The following PKNOX2 variants were observed in gnomAD, a reference collection of about 807,000 sequenced individuals.
The protein encoded by PKNOX2 is PBX/knotted 1 homeobox 2.
A neutral mutation model predicts 53.1 loss-of-function variants in PKNOX2; 14 were observed. That is an observed-to-expected ratio of 0.26 (90% confidence interval 0.17 to 0.41). The LOEUF (loss-of-function observed/expected upper bound fraction) is 0.41. PKNOX2 is among the 10% of genes least tolerant of loss of function. The pLI, the probability that PKNOX2 is intolerant of heterozygous loss-of-function variation, is 1.00. For synonymous variants in PKNOX2, 257 were observed against 242.8 expected (o/e 1.06, Z -0.54); for missense variants, 496 against 602.8 (o/e 0.82, Z 1.85).
intron 7 of PKNOX2, among the ~76,000 whole-genome samples, chr11:125,406,999 G>A (rs1421712491): frequency 6.9e-6 from 1 of 145,158 alleles, no homozygotes; most frequent in Non-Finnish European, 1.5e-5. Flanking sequence ...TGTAAGGGAT[G>A]AATATCATTT....
Position 125,370,830 on chromosome 11 carries a change from G to A in PKNOX2, c.227+2845G>A, listed in dbSNP as rs537687302. Among the ~76,000 whole-genome samples the A allele has an allele frequency of 6.6e-6, 1 of 152,344 alleles. No homozygotes were observed. Among genetic ancestry groups the A allele is most frequent in the African/African-American group, 2.4e-5 (1 of 41,586 alleles). On this transcript the variant is annotated intron_variant, in intron 5 of 12. Transcript: ENST00000298282. The surrounding 1 kb of genome is among the most constrained non-coding windows in gnomAD (Gnocchi z 4.1). ...CCTGGCTGCTCCAAAGCACATCAGG[G>A]AGTCGGCATTTTATGTCAATAAGTG...
chr11:125,392,165 T>G (rs7928707), intron 6 of PKNOX2, among the ~76,000 whole-genome samples: 4,644 of 152,364 alleles, frequency 0.03, 180 homozygotes, highest in African/African-American at 0.085. Context: ...TTTGGTTTAC[T>G]GTGGTTTATA....
intron 2 of PKNOX2, among the ~76,000 whole-genome samples, chr11:125,281,360 T>C (rs572519202): frequency 5.3e-5 from 8 of 152,342 alleles, no homozygotes; most frequent in Admixed American, 2.0e-4. Context: ...TTTCCCTTTC[T>C]GTCCTCAGAT....
At chr11:125,215,410 G>A (rs1244428715) in intron 1 of PKNOX2, among the ~76,000 whole-genome samples, 1 of 151,962 alleles carries the variant, frequency 6.6e-6, no homozygotes, top group East Asian at 1.9e-4. Context: ...AGCATAACTT[G>A]CCCAAGGTCA....
intron 2 of PKNOX2, among the ~76,000 whole-genome samples, chr11:125,298,793 C>CG (rs1174651415): frequency 1.3e-5 from 2 of 152,142 alleles, no homozygotes; most frequent in African/African-American, 2.4e-5. Flanking sequence ...GACGTATTCC[C>CG]GGGGTCTCCG....
At chr11:125,334,104 G>T (rs1950300077) in intron 3 of PKNOX2, among the ~76,000 whole-genome samples, 2 of 152,148 alleles carry the variant, frequency 1.3e-5, no homozygotes, top group Admixed American at 1.3e-4. Context: ...TGCCTTTGAG[G>T]TTGGTACAGG....
At chr11:125,348,798 T>A (rs1404464643) in intron 3 of PKNOX2, among the ~76,000 whole-genome samples, 1 of 152,200 alleles carries the variant, frequency 6.6e-6, no homozygotes, top group Non-Finnish European at 1.5e-5. Flanking sequence ...TGTTTTGCCT[T>A]CATTATGACC....
chr11:125,408,516 G>T (rs1231770494), intron 7 of PKNOX2, among the ~76,000 whole-genome samples: 1 of 152,226 alleles, frequency 6.6e-6, no homozygotes, highest in Non-Finnish European at 1.5e-5. Context: ...GGTGGGAGGA[G>T]GGCGTGCTTG....
At chr11:125,394,878 A>G (rs115840565) in intron 6 of PKNOX2, among the ~76,000 whole-genome samples, 72 of 152,330 alleles carry the variant, frequency 4.7e-4, no homozygotes, top group African/African-American at 1.7e-3. Flanking sequence ...CCTGATTCAC[A>G]TCTTGTATAA....
At chr11:125,369,129 C>T (rs1325103715) in intron 5 of PKNOX2, among the ~76,000 whole-genome samples, 5 of 152,208 alleles carry the variant, frequency 3.3e-5, no homozygotes, top group Admixed American at 3.3e-4. Flanking sequence ...TCATTCTCAT[C>T]GGCATTATTT....
At chr11:125,258,921 G>A (rs1187741485) in intron 2 of PKNOX2, 1 of 349,578 alleles carries the variant, frequency 2.9e-6, no homozygotes, top group South Asian at 2.1e-5. Context: ...AGCTCCAACA[G>A]TGACAGAAGC....
At chr11:125,190,729 A>G (rs1956828410) in intron 1 of PKNOX2, among the ~76,000 whole-genome samples, 2 of 152,172 alleles carry the variant, frequency 1.3e-5, no homozygotes, top group African/African-American at 4.8e-5. Context: ...CCGTCACCAC[A>G]GATGCAAATC....
At chr11:125,175,744 C>T (rs575498767) in intron 1 of PKNOX2, among the ~76,000 whole-genome samples, 3 of 152,226 alleles carry the variant, frequency 2.0e-5, no homozygotes, top group South Asian at 2.1e-4. Context: ...ACTGTGGGAC[C>T]GTCAGAGCTG....
chr11:125,180,025 C>T (rs79487434), intron 1 of PKNOX2, among the ~76,000 whole-genome samples: 10 of 152,286 alleles, frequency 6.6e-5, no homozygotes, highest in African/African-American at 9.6e-5. Context: ...GCTCACTACA[C>T]GCACACGGGC....
intron 7 of PKNOX2, among the ~76,000 whole-genome samples, chr11:125,405,834 C>T (rs1010667558): frequency 6.6e-6 from 1 of 152,170 alleles, no homozygotes; most frequent in Non-Finnish European, 1.5e-5. Context: ...TGGAGCCCGG[C>T]GTGTTGGTTT....
At chr11:125,418,617 C>A (rs1159708724) in intron 10 of PKNOX2, among the ~76,000 whole-genome samples, 1 of 152,024 alleles carries the variant, frequency 6.6e-6, no homozygotes, top group Non-Finnish European at 1.5e-5. Context: ...TGCCTCTGTG[C>A]CTCGGTGTTG....
rs1209317743 is a variant in PKNOX2, at chr11:125,165,172, G to T, written c.-201+396G>T. Among the ~76,000 whole-genome samples the T allele has an allele frequency of 6.7e-6, 1 of 149,794 alleles. No homozygotes were observed. Among genetic ancestry groups the T allele is most frequent in the Admixed American group, 6.7e-5 (1 of 15,030 alleles). On this transcript the variant is annotated intron_variant, in intron 1 of 12. Transcript: ENST00000298282. The surrounding 1 kb of genome is among the most constrained non-coding windows in gnomAD (Gnocchi z 4.5). ...CCGCCGCCGCCGCCGCCGCCGCCTC[G>T]CCGCGCTTGGGCCCGTGGCCGGCCG... is the stretch of plus-strand genomic sequence containing the variant.
intron 3 of PKNOX2, among the ~76,000 whole-genome samples, chr11:125,340,233 CA>C (rs1950613190): frequency 6.6e-6 from 1 of 152,184 alleles, no homozygotes; most frequent in Non-Finnish European, 1.5e-5. Flanking sequence ...ACACAGAAGA[CA>C]TTTAGTGGTG....
Position 125,351,333 on chromosome 11 carries a change from G to T in PKNOX2, c.28G>T (p.Ala10Ser). 3.7e-6 allele frequency: 6 copies of T among 1,608,840 alleles called. No homozygotes were observed. The highest frequency in any genetic ancestry group is 4.2e-6 in the Non-Finnish European group (5 of 1,176,780). MMQHASPAP[A>S]LTMMATQNVP... ...GATGCAACATGCCTCCCCAGCCCCC[G>T]CTCTGACGATGATGGCCACGCAGAA... Residue 10 changes from alanine to serine, a missense_variant, in exon 4 of 13, where the codon GCT (alanine) becomes TCT (serine). By Grantham distance (99) the Ala-to-Ser change is moderately conservative (BLOSUM62 1). Around this residue, in one of 5 missense-constraint regions of PKNOX2, gnomAD observed 168 missense variants for 178.4 expected, o/e 0.94. Transcript: ENST00000298282.
Sources: gnomAD v4.1 joint callset for allele counts (sites outside exome capture counted in the v4.1 genomes callset) on GRCh38, gnomAD v4.1.1 for gene constraint, gnomAD v4.1.1 regional missense constraint, Gnocchi (gnomAD v3.1) non-coding constraint, MANE v1.5 for transcripts, NCBI Gene and HGNC (gene_info 2026-07-23, HGNC 2026-07-21) for gene names.